The following CREB5 variants were observed in gnomAD, a reference collection of about 807,000 sequenced individuals.
CREB5 encodes the protein cAMP responsive element binding protein 5.
In CREB5, 19 loss-of-function variants were observed where a neutral mutation model predicts 57.1. That is an observed-to-expected ratio of 0.33 (90% CI 0.23 to 0.49). The LOEUF (loss-of-function observed/expected upper bound fraction) is 0.49, where lower values mean the gene tolerates loss of function less well. Among genes scored for constraint, CREB5 ranks in the 20% least tolerant of loss-of-function variants. The probability of loss-of-function intolerance (pLI) is 0.99; values close to 1 mark genes in which losing one functional copy is unlikely to be tolerated. For missense variants in CREB5, 579 were observed against 671.6 expected (o/e 0.86, Z 1.52); for synonymous variants, 238 against 238.3 (o/e 1.00, Z 0.01).
intron 1 of CREB5, among the ~76,000 whole-genome samples, chr7:28,351,662 G>A (rs1786188872): frequency 6.6e-6 from 1 of 152,004 alleles, no homozygotes; most frequent in Non-Finnish European, 1.5e-5. Context: ...TGTGTACATG[G>A]CAGCTTTCCC....
chr7:28,421,785 C>CAT lies in CREB5; in HGVS notation c.3+8882_3+8883dup, dbSNP rs1270931063. Among the ~76,000 whole-genome samples the CAT allele has an allele frequency of 5.5e-3, 504 of 91,814 alleles. 4 individuals carry two copies. The highest frequency in any genetic ancestry group is 0.016 in the African/African-American group (431 of 26,908). 60.2% of individuals were successfully genotyped at this position (91,814 alleles called of 152,430 possible). On this transcript the variant is annotated intron_variant, in intron 1 of 10. Transcript: ENST00000357727. Reference sequence around the variant, plus strand: ...ACACACACACTATATATATATATACCATATATATATATATACACACACCAT... The same window carrying CAT: ...ACACACACACTATATATATATATACCATATATATATATATATACACACACCAT...
intron 1 of CREB5, among the ~76,000 whole-genome samples, chr7:28,348,958 A>G (rs1786131605): frequency 6.6e-6 from 1 of 152,214 alleles, no homozygotes; most frequent in Non-Finnish European, 1.5e-5. Context: ...TATTTCTTAA[A>G]TGATAGTATT....
chr7:28,310,461 T>C (rs1367495858), intron 1 of CREB5, among the ~76,000 whole-genome samples: 2 of 152,184 alleles, frequency 1.3e-5, no homozygotes, highest in Non-Finnish European at 1.5e-5. Context: ...TGGAAGAGCT[T>C]TGGGGGTCTG....
intron 5 of CREB5, among the ~76,000 whole-genome samples, chr7:28,574,990 G>C (rs895021762): frequency 6.6e-6 from 1 of 152,100 alleles, no homozygotes; most frequent in African/African-American, 2.4e-5. Flanking sequence ...AAATATCATA[G>C]AAGAAAATCT....
At chr7:28,368,080 C>T (rs1786626758) in intron 1 of CREB5, among the ~76,000 whole-genome samples, 1 of 152,138 alleles carries the variant, frequency 6.6e-6, no homozygotes, top group Non-Finnish European at 1.5e-5. Context: ...GGCTAAAACA[C>T]TATACAAAAA....
At chr7:28,703,252 A>T (rs927253321) in intron 5 of CREB5, among the ~76,000 whole-genome samples, 1 of 152,162 alleles carries the variant, frequency 6.6e-6, no homozygotes, top group Non-Finnish European at 1.5e-5. Flanking sequence ...GGCAGTAGGG[A>T]TGGAGCCAAG....
chr7:28,814,132 C>T (rs1356461216), intron 9 of CREB5, among the ~76,000 whole-genome samples: 2 of 152,160 alleles, frequency 1.3e-5, no homozygotes, highest in African/African-American at 4.8e-5. Context: ...CATTTTGAAA[C>T]ATTTGCTATC....
At chr7:28,410,003 C>T (rs1254896580), upstream of CREB5, 3 of 453,374 alleles carry the variant, frequency 6.6e-6, no homozygotes, top group East Asian at 7.1e-5. Flanking sequence ...GGCGGCGGAA[C>T]CCCCGGAGAA....
intron 5 of CREB5, among the ~76,000 whole-genome samples, chr7:28,700,296 C>T (rs1801782339): frequency 6.6e-6 from 1 of 152,144 alleles, no homozygotes; most frequent in South Asian, 2.1e-4. Flanking sequence ...TTTCCTGGAA[C>T]AATTCATATG....
chr7:28,471,472 A>G (rs1790802507), intron 1 of CREB5, among the ~76,000 whole-genome samples: 1 of 152,032 alleles, frequency 6.6e-6, no homozygotes, highest in Non-Finnish European at 1.5e-5. Context: ...TTCGGTTACT[A>G]TAGCTCAGTA....
At chr7:28,649,040 G>C (rs750331491) in intron 5 of CREB5, among the ~76,000 whole-genome samples, 1 of 152,128 alleles carries the variant, frequency 6.6e-6, no homozygotes, top group Non-Finnish European at 1.5e-5. Context: ...ACTGGTTTTC[G>C]TAGGTGTGCA....
At chr7:28,399,762 A>G (rs1403273448) in intron 1 of CREB5, among the ~76,000 whole-genome samples, 1 of 152,158 alleles carries the variant, frequency 6.6e-6, no homozygotes, top group African/African-American at 2.4e-5. Context: ...TAAACATAAA[A>G]TTAAAAAGTA....
At chr7:28,705,558 C>A (rs1267799351) in intron 5 of CREB5, among the ~76,000 whole-genome samples, 2 of 152,122 alleles carry the variant, frequency 1.3e-5, no homozygotes, top group Admixed American at 1.3e-4. Context: ...TTGACATTTA[C>A]TGTGCCCATA....
At chr7:28,472,759 G>A (rs886599833) in intron 1 of CREB5, among the ~76,000 whole-genome samples, 3 of 152,164 alleles carry the variant, frequency 2.0e-5, no homozygotes, top group South Asian at 4.1e-4. Flanking sequence ...GTACTTCGAC[G>A]ATCCAAGGTC....
chr7:28,804,505 A>G lies in CREB5; in HGVS notation c.1009A>G (p.Thr337Ala). 1 of 1,613,924 alleles carries G rather than the reference A, an allele frequency of 6.2e-7. No homozygotes were observed. Among genetic ancestry groups the G allele is most frequent in the South Asian group, 1.1e-5 (1 of 91,074 alleles). Reference sequence around the variant, plus strand: ...GACCTCGCCACATCCGCCCCTGCACACCGGCAACCAAGCACAGGTAGACCT... The same window carrying G: ...GACCTCGCCACATCCGCCCCTGCACGCCGGCAACCAAGCACAGGTAGACCT... ...HQTSPHPPLH[T>A]GNQAQVSPAT... is the part of the protein sequence containing the mutation. The change falls in exon 8 of 11, where the codon ACC becomes GCC. Residue 337 changes from threonine (T) to alanine (A), a missense_variant. Coordinates refer to ENST00000357727, the MANE Select transcript of CREB5 (RefSeq NM_182898.4).
intron 5 of CREB5, among the ~76,000 whole-genome samples, chr7:28,606,100 G>A (rs1797123347): frequency 1.3e-5 from 2 of 152,032 alleles, no homozygotes; most frequent in Non-Finnish European, 2.9e-5. Context: ...CTCTCTAATT[G>A]TCCTTTGATC....
At chr7:28,793,432 A>G (rs1418968910) in intron 7 of CREB5, among the ~76,000 whole-genome samples, 1 of 152,374 alleles carries the variant, frequency 6.6e-6, no homozygotes, top group East Asian at 1.9e-4. Context: ...TGTCTACGAC[A>G]GAGGCCCAAT....
At chr7:28,475,250 CTTTTTTTTTTTTTTTTTT>C (rs530903709) in intron 1 of CREB5, among the ~76,000 whole-genome samples, 8 of 59,586 alleles carry the variant, frequency 1.3e-4, no homozygotes, top group East Asian at 1.3e-3. Flanking sequence ...TCAGAAGTTT[CTTTTTTTTTTTTTTTTTT>C]TTTTTTTTTT....
chr7:28,660,369 A>G (rs1237674007), intron 5 of CREB5, among the ~76,000 whole-genome samples: 1 of 144,090 alleles, frequency 6.9e-6, no homozygotes, highest in African/African-American at 2.6e-5. Flanking sequence ...ACTATCATCT[A>G]TGCATTCAAC....
Sources: allele counts gnomAD v4.1 joint callset (sites outside exome capture counted in the v4.1 genomes callset), GRCh38; gene constraint gnomAD v4.1.1; transcripts MANE v1.5; gene names NCBI Gene and HGNC (gene_info 2026-07-23, HGNC 2026-07-21).